ATIC: variants seen among roughly 807,000 people sequenced by gnomAD.
ATIC encodes bifunctional purine biosynthesis protein ATIC.
ATIC carries 64 observed loss-of-function variants against 72.5 expected under a neutral mutation model. That is an observed-to-expected ratio of 0.88 (90% CI 0.72 to 1.09). The LOEUF (loss-of-function observed/expected upper bound fraction) is 1.09. Among genes scored for constraint, ATIC ranks in the 50% least tolerant of loss-of-function variants. The pLI, the probability that ATIC is intolerant of heterozygous loss-of-function variation, is 0.00. For missense variants in ATIC, 787 were observed against 732.4 expected (o/e 1.07, Z -0.86); for synonymous variants, 281 against 267.1 (o/e 1.05, Z -0.51).
At chr2:215,357,532 C>A in the ATIC span, among the ~76,000 whole-genome samples, 1 of 152,188 alleles carries the variant, frequency 6.6e-6, no homozygotes, top group Non-Finnish European at 1.5e-5. Context: ...ATATCTCATA[C>A]CTGACTCTAC....
At chr2:215,350,547 G>A (rs937694374), downstream of ATIC, among the ~76,000 whole-genome samples, 3 of 152,180 alleles carry the variant, frequency 2.0e-5, no homozygotes, top group Non-Finnish European at 4.4e-5. Flanking sequence ...TTTAAGTCTT[G>A]TTGACCCCCT....
Position 215,322,486 on chromosome 2 carries a change from C to T in ATIC, c.290+2755C>T, listed in dbSNP as rs535887901. 2.1e-3 allele frequency among the ~76,000 whole-genome samples: 313 copies of T among 151,754 alleles called. 2 individuals are homozygous for T. The highest frequency in any genetic ancestry group is 1.6e-3 in the East Asian group (8 of 5,132). ...CTGTGATTACAGGTGCCCGCCACCA[C>T]GCCCAGCTAATTTTTTTGTGTTTTT... On this transcript the variant is annotated intron_variant, in intron 4 of 15. Coordinates refer to ENST00000236959, the MANE Select transcript of ATIC (RefSeq NM_004044.7).
At chr2:215,346,675 GT>G in intron 13 of ATIC, 83 bp from the exon 14 acceptor site, 1 of 1,477,306 alleles carries the variant, frequency 6.8e-7, no homozygotes, top group Non-Finnish European at 9.5e-7. Context: ...TAATAAATAG[GT>G]TTTGGAGAAT....
chr2:215,327,585 G>A (rs1473190420), intron 7 of ATIC, among the ~76,000 whole-genome samples: 2 of 152,162 alleles, frequency 1.3e-5, no homozygotes, highest in African/African-American at 4.8e-5. Context: ...TGTTCCAAAG[G>A]TAGGCTGTGA....
At chr2:215,330,538 T>C (rs1297182659) in intron 7 of ATIC, among the ~76,000 whole-genome samples, 1 of 152,172 alleles carries the variant, frequency 6.6e-6, no homozygotes, top group Non-Finnish European at 1.5e-5. Context: ...TTAACATTCA[T>C]TCTTTGTGTT....
At chr2:215,361,173 G>A in the ATIC span, 2 of 244,206 alleles carry the variant, frequency 8.2e-6, no homozygotes, top group African/African-American at 4.5e-5. Context: ...ACACTTAAGT[G>A]AAAGCAGAAG....
chr2:215,361,990 T>G, the ATIC span: 1 of 1,613,288 alleles, frequency 6.2e-7, no homozygotes, highest in South Asian at 1.1e-5. Context: ...TCTGATGGTA[T>G]CTCTGAGAAT....
At chr2:215,330,398 C>T (rs181601089) in intron 7 of ATIC, among the ~76,000 whole-genome samples, 11 of 152,182 alleles carry the variant, frequency 7.2e-5, no homozygotes, top group South Asian at 2.1e-4. Flanking sequence ...AAAAAATACA[C>T]GGTGATTATA....
At chr2:215,338,334 G>T (rs1236624478) in intron 11 of ATIC, among the ~76,000 whole-genome samples, 1 of 152,142 alleles carries the variant, frequency 6.6e-6, no homozygotes, top group Non-Finnish European at 1.5e-5. Flanking sequence ...TTTTGTAACA[G>T]ATTTTTAGAA....
At chr2:215,323,213 A>G (rs530441824) in intron 4 of ATIC, among the ~76,000 whole-genome samples, 3 of 152,182 alleles carry the variant, frequency 2.0e-5, no homozygotes, top group African/African-American at 7.2e-5. Context: ...CCAAAGTGCT[A>G]GGATTACAGG....
chr2:215,318,702 T>A (rs1272715853), intron 3 of ATIC, among the ~76,000 whole-genome samples: 1 of 152,096 alleles, frequency 6.6e-6, no homozygotes, highest in East Asian at 1.9e-4. Context: ...TCAGTTGTGG[T>A]ACAATTTGGT....
At chr2:215,326,187 G>A in intron 6 of ATIC, 49 bp downstream of exon 6, 4 of 1,610,532 alleles carry the variant, frequency 2.5e-6, no homozygotes, top group Non-Finnish European at 3.4e-6. Flanking sequence ...GGAGTGCAGT[G>A]TTTGCCAGAC....
the ATIC span, chr2:215,362,216 G>T: frequency 1.4e-6 from 1 of 700,980 alleles, no homozygotes; most frequent in Non-Finnish European, 2.6e-6. Flanking sequence ...AGCAAGCTTT[G>T]ATGATGATTT....
intron 2 of ATIC, among the ~76,000 whole-genome samples, chr2:215,316,716 A>T (rs559273703): frequency 6.6e-6 from 1 of 152,352 alleles, no homozygotes; most frequent in Non-Finnish European, 1.5e-5. Flanking sequence ...TTCATAGCTT[A>T]CACAGAAGAT....
chr2:215,345,379 G>T (rs962454411), intron 13 of ATIC: 1 of 180,976 alleles, frequency 5.5e-6, no homozygotes, highest in Non-Finnish European at 1.2e-5. Flanking sequence ...GTATACAGTA[G>T]AATTCACCTT....
intron 12 of ATIC, among the ~76,000 whole-genome samples, chr2:215,342,353 A>C (rs1575124286): frequency 6.6e-6 from 1 of 152,172 alleles, no homozygotes; most frequent in Admixed American, 6.5e-5. Flanking sequence ...CTTTTTTTAA[A>C]TTAAACTTTT....
chr2:215,316,298 T>TGG (rs1219929600), intron 2 of ATIC, among the ~76,000 whole-genome samples: 7 of 152,176 alleles, frequency 4.6e-5, no homozygotes, highest in African/African-American at 1.4e-4. Flanking sequence ...AATTTTGAAT[T>TGG]TGAAAACACT....
chr2:215,346,950 C>G lies in ATIC; in HGVS notation c.1503+9C>G. 1 of 1,614,088 alleles carries G rather than the reference C, an allele frequency of 6.2e-7. No homozygotes were observed. Among genetic ancestry groups the G allele is most frequent in the Non-Finnish European group, 8.5e-7 (1 of 1,179,964 alleles). On this transcript the variant is annotated intron_variant, in intron 14 of 15. Coordinates refer to ENST00000236959, the MANE Select transcript of ATIC (RefSeq NM_004044.7). ...CTGGAACCATTGGCGAGGTGAAAGA[C>G]TTGGCATTGGGTTCTCGGCTGTGTT... is the stretch of plus-strand genomic sequence containing the variant.
chr2:215,339,792 G>A (rs761437266), intron 12 of ATIC, among the ~76,000 whole-genome samples: 1 of 151,646 alleles, frequency 6.6e-6, no homozygotes, highest in African/African-American at 2.4e-5. Flanking sequence ...CCGCCACAAC[G>A]CCTGGCTAAT....
Sources: allele counts gnomAD v4.1 joint callset (sites outside exome capture counted in the v4.1 genomes callset), GRCh38; gene constraint gnomAD v4.1.1; transcripts MANE v1.5; gene names NCBI Gene and HGNC (gene_info 2026-07-23, HGNC 2026-07-21).